Variants in SMIM36 observed in about 807,000 individuals in gnomAD.
The protein encoded by SMIM36 is small integral membrane protein 36.
intron 3 of SMIM36, among the ~76,000 whole-genome samples, chr17:55,471,169 C>A (rs1909335679): frequency 6.6e-6 from 1 of 152,194 alleles, no homozygotes; most frequent in Admixed American, 6.5e-5. Flanking sequence ...CTGACACCCA[C>A]CAATCCCAAC....
chr17:55,458,962 A>G (rs1909085310), intron 4 of SMIM36, among the ~76,000 whole-genome samples: 1 of 152,206 alleles, frequency 6.6e-6, no homozygotes, highest in African/African-American at 2.4e-5. Context: ...AAGAGGGTCT[A>G]ATTGAGCTGG....
At chr17:55,483,286 C>A (rs1909550131) in intron 1 of SMIM36, among the ~76,000 whole-genome samples, 1 of 152,154 alleles carries the variant, frequency 6.6e-6, no homozygotes, top group South Asian at 2.1e-4. Context: ...ATTGATTCTA[C>A]CACTTTTTGC....
intron 3 of SMIM36, among the ~76,000 whole-genome samples, chr17:55,478,145 TG>T (rs1185401758): frequency 6.6e-6 from 1 of 151,702 alleles, no homozygotes; most frequent in African/African-American, 2.4e-5. Context: ...ACTGCACCAT[TG>T]CATTCCAGCC....
chr17:55,512,857 G>T (rs1421395613), upstream of SMIM36, among the ~76,000 whole-genome samples: 1 of 152,298 alleles, frequency 6.6e-6, no homozygotes, highest in East Asian at 1.9e-4. Context: ...GTTCCCAAAG[G>T]TCTGCTGGTT....
chr17:55,498,878 A>T (rs72840453), intron 1 of SMIM36, among the ~76,000 whole-genome samples: 1 of 151,226 alleles, frequency 6.6e-6, no homozygotes, highest in Admixed American at 6.6e-5. Flanking sequence ...ATGCACTTGT[A>T]ATCCCAGTTA....
chr17:55,461,680 A>C (rs1469223389), intron 4 of SMIM36, among the ~76,000 whole-genome samples: 1 of 152,260 alleles, frequency 6.6e-6, no homozygotes, highest in Non-Finnish European at 1.5e-5. Context: ...GTATATTTAA[A>C]CACAGAAAGC....
At chr17:55,492,244 T>TTC (rs201758783) in intron 1 of SMIM36, among the ~76,000 whole-genome samples, 1 of 116,034 alleles carries the variant, frequency 8.6e-6, no homozygotes, top group African/African-American at 3.4e-5. Flanking sequence ...CTTTCTTTCT[T>TTC]TTTTTTTTTT....
At chr17:55,451,576 G>A (rs1375553939) in intron 4 of SMIM36, among the ~76,000 whole-genome samples, 2 of 152,138 alleles carry the variant, frequency 1.3e-5, no homozygotes, top group Non-Finnish European at 2.9e-5. Context: ...CTTGTCACTA[G>A]ATTAAAAATG....
At chr17:55,511,425 AG>A (rs1243408641) in exon 1 of SMIM36, 1 of 397,088 alleles carries the variant, frequency 2.5e-6, no homozygotes, top group African/African-American at 2.1e-5. Flanking sequence ...GCATCGGAAT[AG>A]CTACATTGGC....
chr17:55,511,377 T>G (rs1389724501), exon 1 of SMIM36: 1 of 397,862 alleles, frequency 2.5e-6, no homozygotes, highest in Non-Finnish European at 4.4e-6. Context: ...GAAAGGCAAT[T>G]GGGGTCAGTT....
chr17:55,476,862 C>A (rs1909435894), intron 3 of SMIM36, among the ~76,000 whole-genome samples: 1 of 152,194 alleles, frequency 6.6e-6, no homozygotes, highest in Non-Finnish European at 1.5e-5. Context: ...CCACCATGCC[C>A]GGCCAAGATG....
chr17:55,529,609 TACAC>T, the SMIM36 span, among the ~76,000 whole-genome samples: 154 of 142,988 alleles, frequency 1.1e-3, no homozygotes, highest in Middle Eastern at 3.6e-3. Context: ...CTACTAAAAA[TACAC>T]ACACACACAC....
intron 1 of SMIM36, among the ~76,000 whole-genome samples, chr17:55,483,855 T>C (rs1447423786): frequency 5.9e-5 from 9 of 152,122 alleles, no homozygotes; most frequent in Non-Finnish European, 1.3e-4. Context: ...CTTAAACTCC[T>C]AACCTCAAGT....
intron 1 of SMIM36, among the ~76,000 whole-genome samples, chr17:55,483,926 C>G (rs1379497194): frequency 6.6e-6 from 1 of 152,178 alleles, no homozygotes; most frequent in Non-Finnish European, 1.5e-5. Flanking sequence ...CCGTGCTTGG[C>G]CTGTGTCAAC....
chr17:55,524,539 A>G, the SMIM36 span, among the ~76,000 whole-genome samples: 53 of 152,166 alleles, frequency 3.5e-4, no homozygotes, highest in Admixed American at 1.8e-3. Flanking sequence ...TCCTACCGAC[A>G]GTGTATAGGC....
intron 4 of SMIM36, among the ~76,000 whole-genome samples, chr17:55,455,988 C>T (rs541182909): frequency 7.9e-4 from 119 of 151,116 alleles, no homozygotes; most frequent in African/African-American, 2.5e-3. Flanking sequence ...TGTGGTAGGA[C>T]GCACCTGTAA....
intron 4 of SMIM36, among the ~76,000 whole-genome samples, chr17:55,463,973 T>G (rs943654386): frequency 6.6e-6 from 1 of 151,826 alleles, no homozygotes; most frequent in African/African-American, 2.4e-5. Flanking sequence ...AAAATTAGCC[T>G]GGTGTGGAGG....
chr17:55,500,905 TTATAATATATTATAATATATTATA>T (rs1909913109), intron 1 of SMIM36, among the ~76,000 whole-genome samples: 2 of 11,952 alleles, frequency 1.7e-4, no homozygotes, highest in African/African-American at 1.2e-3. Context: ...ATATATTATA[TTATAATATATTATAATATATTATA>T]TTTTATAATA....
the SMIM36 span, among the ~76,000 whole-genome samples, chr17:55,519,379 G>A: frequency 4.3e-4 from 66 of 152,208 alleles, no homozygotes; most frequent in Admixed American, 1.0e-3. Context: ...GGAATGTGGC[G>A]GGAAATTGTG....
Sources: gnomAD v4.1 joint callset for allele counts (sites outside exome capture counted in the v4.1 genomes callset) on GRCh38, gnomAD v4.1.1 for gene constraint, MANE v1.5 for transcripts, NCBI Gene and HGNC (gene_info 2026-07-23, HGNC 2026-07-21) for gene names.